The following ADAM29 variants were observed in gnomAD, a reference collection of about 807,000 sequenced individuals.
ADAM29 encodes the protein disintegrin and metalloproteinase domain-containing protein 29.
For synonymous variants in ADAM29, 367 were observed against 342.3 expected (o/e 1.07, Z -0.80); for missense variants, 969 against 1,001.8 (o/e 0.97, Z 0.44).
chr4:174,969,231 G>A, intron 4 of ADAM29, among the ~76,000 whole-genome samples: 1 of 150,756 alleles, frequency 6.6e-6, no homozygotes, highest in Non-Finnish European at 1.5e-5. Context: ...AAGACAGTGT[G>A]GCAATTCATC....
intron 4 of ADAM29, among the ~76,000 whole-genome samples, chr4:174,938,258 G>A (rs1313616690): frequency 6.6e-6 from 1 of 152,060 alleles, no homozygotes; most frequent in Non-Finnish European, 1.5e-5. Context: ...TAGGTAGCAT[G>A]AATTATGTGG....
intron 4 of ADAM29, among the ~76,000 whole-genome samples, chr4:174,967,925 G>A (rs1266931831): frequency 6.6e-6 from 1 of 152,032 alleles, no homozygotes; most frequent in Non-Finnish European, 1.5e-5. Context: ...CTTTTCTTCT[G>A]ATTTAATACT....
At chr4:174,964,686 T>G (rs1746051170) in intron 4 of ADAM29, among the ~76,000 whole-genome samples, 1 of 152,146 alleles carries the variant, frequency 6.6e-6, no homozygotes, top group Non-Finnish European at 1.5e-5. Flanking sequence ...GTATTGCACC[T>G]TGTTAAAACT....
At chr4:174,952,177 C>CT (rs916943285) in intron 4 of ADAM29, among the ~76,000 whole-genome samples, 6 of 151,160 alleles carry the variant, frequency 4.0e-5, no homozygotes, top group Non-Finnish European at 5.9e-5. Flanking sequence ...ACCTTATTGA[C>CT]TTTTTTTTTG....
At chr4:174,953,356 T>A (rs907843106) in intron 4 of ADAM29, among the ~76,000 whole-genome samples, 10 of 152,250 alleles carry the variant, frequency 6.6e-5, no homozygotes, top group African/African-American at 2.4e-4. Context: ...CTTACTTATT[T>A]TTCAATAAAT....
At chr4:174,967,088 C>T (rs537176080) in intron 4 of ADAM29, among the ~76,000 whole-genome samples, 1 of 152,292 alleles carries the variant, frequency 6.6e-6, no homozygotes, top group African/African-American at 2.4e-5. Flanking sequence ...CTTATTGCAG[C>T]TTCACCTCTT....
At chr4:174,941,290 T>C (rs1744523352) in intron 4 of ADAM29, among the ~76,000 whole-genome samples, 1 of 152,230 alleles carries the variant, frequency 6.6e-6, no homozygotes. Context: ...CTGATGTGTC[T>C]GATAAATGTC....
intron 4 of ADAM29, among the ~76,000 whole-genome samples, chr4:174,944,391 C>T (rs4596220): frequency 6.6e-6 from 1 of 152,138 alleles, no homozygotes; most frequent in Admixed American, 6.5e-5. Context: ...ATCTCACTCC[C>T]CAAGCTGTTG....
At chr4:174,948,621 G>A (rs1744987841) in intron 4 of ADAM29, among the ~76,000 whole-genome samples, 1 of 152,192 alleles carries the variant, frequency 6.6e-6, no homozygotes. Context: ...TTGGGACAGA[G>A]GCAGTGGGAT....
chr4:174,942,395 G>C (rs766951306), intron 4 of ADAM29, among the ~76,000 whole-genome samples: 1 of 152,246 alleles, frequency 6.6e-6, no homozygotes, highest in South Asian at 2.1e-4. Flanking sequence ...CCTGGACATC[G>C]GGACATTTCC....
intron 4 of ADAM29, among the ~76,000 whole-genome samples, chr4:174,957,283 G>A (rs1745560587): frequency 1.3e-5 from 2 of 151,768 alleles, no homozygotes; most frequent in African/African-American, 4.8e-5. Flanking sequence ...TCTGTAATGA[G>A]CTTAATGCTA....
intron 4 of ADAM29, among the ~76,000 whole-genome samples, chr4:174,968,411 T>G (rs565655620): frequency 1.3e-5 from 2 of 152,198 alleles, no homozygotes; most frequent in Non-Finnish European, 2.9e-5. Context: ...CCATGCCAAC[T>G]GTGGATCAGA....
At chr4:174,944,828 A>G (rs1744750105) in intron 4 of ADAM29, among the ~76,000 whole-genome samples, 1 of 152,160 alleles carries the variant, frequency 6.6e-6, no homozygotes. Context: ...AATAGCCTCC[A>G]GCTCTGCCTA....
intron 4 of ADAM29, among the ~76,000 whole-genome samples, chr4:174,957,895 TG>T (rs1560882156): frequency 6.6e-6 from 1 of 151,936 alleles, no homozygotes; most frequent in East Asian, 1.9e-4. Context: ...TGATGATGCC[TG>T]GATCTGATTT....
chr4:174,947,340 T>A (rs1744915239), intron 4 of ADAM29, among the ~76,000 whole-genome samples: 3 of 152,138 alleles, frequency 2.0e-5, no homozygotes, highest in Non-Finnish European at 2.9e-5. Flanking sequence ...GATAACATGT[T>A]GGTTGTCAAT....
intron 1 of ADAM29, among the ~76,000 whole-genome samples, chr4:174,919,316 G>T (rs1256958145): frequency 1.3e-5 from 2 of 152,160 alleles, no homozygotes; most frequent in African/African-American, 4.8e-5. Context: ...TTTTAGAGAT[G>T]ATTCTTTGGG....
At chr4:174,934,777 T>A (rs558740533) in intron 3 of ADAM29, among the ~76,000 whole-genome samples, 1 of 152,166 alleles carries the variant, frequency 6.6e-6, no homozygotes, top group East Asian at 1.9e-4. Context: ...TCAGGGTCTG[T>A]CAGTCTTTTG....
chr4:174,959,165 C>A (rs1363438288), intron 4 of ADAM29, among the ~76,000 whole-genome samples: 1 of 151,754 alleles, frequency 6.6e-6, no homozygotes, highest in East Asian at 1.9e-4. Context: ...GTTCTGCTGT[C>A]AATGTCATTA....
rs564129947 is a variant in ADAM29, at chr4:174,955,670, C to T, written c.-181+18657C>T. 1.2e-3 allele frequency among the ~76,000 whole-genome samples: 173 copies of T among 142,874 alleles called. 1 individual carries two copies. Among genetic ancestry groups the T allele is most frequent in the African/African-American group, 4.4e-3 (169 of 38,026 alleles). 93.7% of individuals were successfully genotyped at this position (142,874 alleles called of 152,430 possible). A position where few individuals can be genotyped will look rare whatever the true frequency, so the allele number is the denominator to read the frequency against. On this transcript the variant is annotated intron_variant, in intron 4 of 4. Transcript: ENST00000359240. ...CCTATTTGTAATTACACTTAAGATC[C>T]CAGATCAATTTTATTCTGCATGTAC... is the stretch of plus-strand genomic sequence containing the variant.
Sources: allele counts gnomAD v4.1 joint callset (sites outside exome capture counted in the v4.1 genomes callset), GRCh38; gene constraint gnomAD v4.1.1; transcripts MANE v1.5; gene names NCBI Gene and HGNC (gene_info 2026-07-23, HGNC 2026-07-21).